MECOM: variants seen among roughly 807,000 people sequenced by gnomAD.
The protein encoded by MECOM is histone-lysine N-methyltransferase MECOM.
MECOM carries 13 observed loss-of-function variants against 116.3 expected under a neutral mutation model. The ratio of observed to expected loss-of-function variants is 0.11; its 90% CI spans 0.07 to 0.18. MECOM has a LOEUF of 0.18. MECOM is among the 10% of genes least tolerant of loss of function. The pLI is 1.00. For synonymous variants in MECOM, 528 were observed against 535.2 expected, an observed-to-expected ratio of 0.99 and a Z score of 0.19; for missense variants, 1,299 against 1,509.0, an observed-to-expected ratio of 0.86 and a Z score of 2.31.
intron 2 of MECOM, among the ~76,000 whole-genome samples, chr3:169,185,551 G>A (rs568836078): frequency 6.6e-6 from 1 of 152,292 alleles, no homozygotes; most frequent in East Asian, 1.9e-4. Flanking sequence ...ATTTGCTCAT[G>A]AAGAAAGGAA....
intron 2 of MECOM, among the ~76,000 whole-genome samples, chr3:169,331,124 C>T (rs901845139): frequency 1.8e-4 from 28 of 152,010 alleles, no homozygotes; most frequent in Admixed American, 3.9e-4. Flanking sequence ...CCTAACTATA[C>T]ATTACATTTA....
In MECOM at chr3:169,417,932, G is replaced by A. The variant is rs1235389486; in HGVS notation, c.38-36408C>T. Among the ~76,000 whole-genome samples the A allele has an allele frequency of 2.0e-5, 3 of 149,856 alleles. No individual in the cohort carries two copies. In the Admixed American group the frequency reaches 2.0e-4, roughly 10 times the overall value. On this transcript the variant is annotated intron_variant, in intron 1 of 16. Coordinates refer to ENST00000651503, the MANE Select transcript of MECOM (RefSeq NM_004991.4). ...TGAGATCACATGGACACAGGAAGGGGAACATCACACTCTGGGGACTGTTGT... is the reference window on the plus strand; with the variant it reads ...TGAGATCACATGGACACAGGAAGGGAAACATCACACTCTGGGGACTGTTGT...
intron 2 of MECOM, among the ~76,000 whole-genome samples, chr3:169,176,604 A>G (rs1745207658): frequency 6.6e-6 from 1 of 152,194 alleles, no homozygotes; most frequent in African/African-American, 2.4e-5. Context: ...AAAAAAACCC[A>G]AAAGTGACAA....
intron 10 of MECOM, among the ~76,000 whole-genome samples, chr3:169,103,141 T>C (rs914104133): frequency 6.6e-6 from 1 of 150,842 alleles, no homozygotes; most frequent in Non-Finnish European, 1.5e-5. Context: ...TTTTAAAAAC[T>C]TTTTGTAGAG....
chr3:169,146,285 CAAAGCTGTTA>C, intron 2 of MECOM: 1 of 1,259,148 alleles, frequency 7.9e-7, no homozygotes, highest in Non-Finnish European at 1.0e-6. Flanking sequence ...TGTTGGACAG[CAAAGCTGTTA>C]CTTGGCAAGG....
At chr3:169,143,995 G>GA (rs765115136) in intron 2 of MECOM, among the ~76,000 whole-genome samples, 163 bp from the exon 3 acceptor site, 19 of 152,080 alleles carry the variant, frequency 1.2e-4, no homozygotes, top group Non-Finnish European at 2.8e-4. Flanking sequence ...AAGTTACCTT[G>GA]AAAATGACAA....
At chr3:169,375,241 C>A (rs1390300734) in intron 2 of MECOM, among the ~76,000 whole-genome samples, 1 of 151,952 alleles carries the variant, frequency 6.6e-6, no homozygotes, top group South Asian at 2.1e-4. Context: ...AAAATCAACA[C>A]CTTAACATCA....
At chr3:169,170,702 A>G (rs1245748711) in intron 2 of MECOM, among the ~76,000 whole-genome samples, 2 of 152,190 alleles carry the variant, frequency 1.3e-5, no homozygotes, top group Non-Finnish European at 2.9e-5. Context: ...AGTAATTTAC[A>G]TAGGATTGGG....
chr3:169,087,861 T>C (rs1718337351), intron 16 of MECOM, among the ~76,000 whole-genome samples: 1 of 152,238 alleles, frequency 6.6e-6, no homozygotes. Context: ...CTTTAAGTGA[T>C]GTTCTTAAGT....
intron 2 of MECOM, among the ~76,000 whole-genome samples, chr3:169,367,706 G>A (rs1027926284): frequency 1.3e-5 from 2 of 151,958 alleles, no homozygotes; most frequent in African/African-American, 2.4e-5. Context: ...AATAAAAGTC[G>A]GGTCTGAAAG....
intron 1 of MECOM, among the ~76,000 whole-genome samples, chr3:169,550,710 A>C (rs1761267207): frequency 6.6e-6 from 1 of 152,216 alleles, no homozygotes; most frequent in Non-Finnish European, 1.5e-5. Context: ...ATGATTACCT[A>C]GACCCCAAAC....
At chr3:169,237,709 C>A (rs1754263569) in intron 2 of MECOM, among the ~76,000 whole-genome samples, 1 of 151,218 alleles carries the variant, frequency 6.6e-6, no homozygotes, top group South Asian at 2.1e-4. Flanking sequence ...CCAAAAATCA[C>A]TGCATACCTG....
At chr3:169,556,249 C>G (rs1245006007) in intron 1 of MECOM, among the ~76,000 whole-genome samples, 1 of 151,708 alleles carries the variant, frequency 6.6e-6, no homozygotes, top group Non-Finnish European at 1.5e-5. Context: ...GCACCTTAAT[C>G]TCATGTAATT....
rs115871847 is a variant in MECOM, at chr3:169,256,113, T to C, written c.376-112281A>G. ...TCAAAAATACTTAGCTTCCTCTAGT[T>C]TCAAATCAAACCAATATAAATAATG... On this transcript the variant is annotated intron_variant, in intron 2 of 16. Transcript: ENST00000651503. Among the ~76,000 whole-genome samples the C allele has an allele frequency of 5.3e-3, 802 of 152,290 alleles. 13 individuals are homozygous for C. Among genetic ancestry groups the C allele is most frequent in the African/African-American group, 0.019 (772 of 41,564 alleles).
At chr3:169,202,012 A>C (rs1277334841) in intron 2 of MECOM, among the ~76,000 whole-genome samples, 3 of 152,018 alleles carry the variant, frequency 2.0e-5, no homozygotes, top group Admixed American at 1.3e-4. Flanking sequence ...CTCTGTTTCC[A>C]ATGGTATGTG....
intron 1 of MECOM, among the ~76,000 whole-genome samples, chr3:169,406,862 A>G (rs1308983580): frequency 2.9e-5 from 4 of 136,422 alleles, no homozygotes; most frequent in Admixed American, 2.2e-4. Context: ...TTTTTTTTTT[A>G]ATGGAGTCTC....
intron 1 of MECOM, among the ~76,000 whole-genome samples, chr3:169,436,109 A>G (rs988995663): frequency 2.6e-5 from 4 of 152,192 alleles, no homozygotes; most frequent in African/African-American, 9.7e-5. Context: ...GAATATGGTA[A>G]GAAGATCCAT....
chr3:169,467,187 T>A (rs971983865), intron 1 of MECOM: 1 of 152,200 alleles, frequency 6.6e-6, no homozygotes, highest in African/African-American at 2.4e-5. Context: ...ATAATTATTA[T>A]TGAAATAACC....
chr3:169,290,751 C>G (rs1714383403), intron 2 of MECOM, among the ~76,000 whole-genome samples: 1 of 152,216 alleles, frequency 6.6e-6, no homozygotes, highest in Non-Finnish European at 1.5e-5. Flanking sequence ...ATCATAAATA[C>G]TGAAAATGCT....
Sources: allele counts gnomAD v4.1 joint callset (sites outside exome capture counted in the v4.1 genomes callset), GRCh38; gene constraint gnomAD v4.1.1; transcripts MANE v1.5; gene names NCBI Gene and HGNC (gene_info 2026-07-23, HGNC 2026-07-21).